ADGB: variants seen among roughly 807,000 people sequenced by gnomAD.
ADGB encodes the protein calpain-7-like protein.
In ADGB, 172 loss-of-function variants were observed where a neutral mutation model predicts 210.5. The ratio of observed to expected loss-of-function variants is 0.82; its 90% CI spans 0.72 to 0.93. The LOEUF (loss-of-function observed/expected upper bound fraction) is 0.93. ADGB is among the 40% of genes least tolerant of loss of function. ADGB has a pLI of 0.00. For synonymous variants in ADGB, 658 were observed against 662.7 expected (o/e 0.99, Z 0.11); for missense variants, 2,025 against 1,964.8 (o/e 1.03, Z -0.58).
intron 1 of ADGB, among the ~76,000 whole-genome samples, chr6:146,602,543 A>T (rs1026782252): frequency 2.6e-5 from 4 of 152,242 alleles, no homozygotes; most frequent in Admixed American, 6.5e-5. Context: ...GCTGTAACAG[A>T]ATACCATAGA....
intron 22 of ADGB, among the ~76,000 whole-genome samples, chr6:146,735,395 AAG>A (rs143895337): frequency 2.0e-5 from 3 of 151,730 alleles, no homozygotes; most frequent in South Asian, 4.2e-4. Context: ...ACATTCATGA[AAG>A]AGAGAGAGAG....
intron 12 of ADGB, among the ~76,000 whole-genome samples, chr6:146,695,089 T>G (rs1367082020): frequency 6.6e-6 from 1 of 152,180 alleles, no homozygotes; most frequent in African/African-American, 2.4e-5. Flanking sequence ...ATTACTATAC[T>G]GTCTTCTAAC....
At chr6:146,624,521 A>G (rs540856369) in intron 1 of ADGB, among the ~76,000 whole-genome samples, 1 of 151,936 alleles carries the variant, frequency 6.6e-6, no homozygotes, top group African/African-American at 2.4e-5. Context: ...GATCTGCTCT[A>G]TTATTTATAT....
intron 2 of ADGB, among the ~76,000 whole-genome samples, chr6:146,639,473 G>A (rs1272630677): frequency 2.0e-5 from 3 of 151,972 alleles, no homozygotes; most frequent in African/African-American, 7.2e-5. Flanking sequence ...ACATTACAAA[G>A]ATGCTTTCTC....
intron 1 of ADGB, among the ~76,000 whole-genome samples, chr6:146,615,913 C>G (rs1039729061): frequency 6.6e-6 from 1 of 152,022 alleles, no homozygotes; most frequent in Admixed American, 6.5e-5. Flanking sequence ...ACTTCATTTC[C>G]TTTGGATATA....
intron 4 of ADGB, 25 bp downstream of exon 4, chr6:146,654,231 G>T: frequency 6.7e-7 from 1 of 1,490,966 alleles, no homozygotes. Flanking sequence ...ATGAACTAAA[G>T]TCTCACCATG....
chr6:146,812,533 A>G (rs1778317910), intron 35 of ADGB, among the ~76,000 whole-genome samples: 1 of 152,360 alleles, frequency 6.6e-6, no homozygotes, highest in Non-Finnish European at 1.5e-5. Flanking sequence ...ATCAGTGCCC[A>G]TGAAATGCAC....
intron 5 of ADGB, among the ~76,000 whole-genome samples, chr6:146,657,282 A>G (rs188407242): frequency 2.3e-3 from 352 of 150,670 alleles, no homozygotes; most frequent in Middle Eastern, 6.8e-3. Flanking sequence ...TTAAGGTCTC[A>G]CCATTGCACT....
At chr6:146,641,024 T>C (rs1775505049) in intron 2 of ADGB, among the ~76,000 whole-genome samples, 2 of 151,840 alleles carry the variant, frequency 1.3e-5, no homozygotes, top group African/African-American at 4.8e-5. Context: ...CACAGTCTTG[T>C]CCCAAAAGCT....
chr6:146,797,772 G>A (rs1778067895), intron 33 of ADGB, among the ~76,000 whole-genome samples: 1 of 152,074 alleles, frequency 6.6e-6, no homozygotes. Context: ...GGAAGGATAA[G>A]AGGAAGGTGA....
intron 33 of ADGB, among the ~76,000 whole-genome samples, chr6:146,798,870 A>G (rs1778082603): frequency 6.6e-6 from 1 of 152,054 alleles, no homozygotes; most frequent in African/African-American, 2.4e-5. Context: ...TGAAAACTAC[A>G]AAACATCACC....
At chr6:146,739,875 C>T (rs1777137800) in intron 23 of ADGB, among the ~76,000 whole-genome samples, 1 of 152,176 alleles carries the variant, frequency 6.6e-6, no homozygotes, top group South Asian at 2.1e-4. Flanking sequence ...TATGTCACAG[C>T]CTTCCAGGGG....
In ADGB at chr6:146,733,232, C is replaced by A; in HGVS notation, c.2633C>A (p.Ser878Tyr). The A allele has an allele frequency of 4.6e-6, 7 of 1,535,166 alleles. No homozygotes were observed. Among genetic ancestry groups the A allele is most frequent in the Non-Finnish European group, 5.3e-6 (6 of 1,138,880 alleles). The change falls in exon 21 of 36, where the codon TCC (serine) becomes TAC (tyrosine). Residue 878 changes from serine (S) to tyrosine (Y), a missense_variant. By Grantham distance (144) the Ser-to-Tyr change is moderately radical. Transcript: ENST00000397944. Reference protein sequence around the residue: ...AMVLDLELLNSSLEEVSLVEW... With the variant: ...AMVLDLELLNYSLEEVSLVEW... ...GTTTTGGACTTGGAGTTACTCAATTCCTCCTTGGAAGAGGTTTCTTTAGGT... is the reference window on the plus strand; with the variant it reads ...GTTTTGGACTTGGAGTTACTCAATTACTCCTTGGAAGAGGTTTCTTTAGGT...
intron 35 of ADGB, chr6:146,803,843 C>G (rs1008874890): frequency 1.5e-5 from 6 of 395,300 alleles, no homozygotes; most frequent in Non-Finnish European, 2.7e-5. Context: ...TCAAACGCGG[C>G]CGCGCGCGCG....
intron 16 of ADGB, among the ~76,000 whole-genome samples, chr6:146,717,870 A>G (rs539225926): frequency 6.6e-6 from 1 of 152,330 alleles, no homozygotes; most frequent in African/African-American, 2.4e-5. Context: ...ATTATGAAAA[A>G]ATGAAGGACA....
At chr6:146,747,762 T>G (rs902788790) in intron 26 of ADGB, among the ~76,000 whole-genome samples, 1 of 129,908 alleles carries the variant, frequency 7.7e-6, no homozygotes, top group African/African-American at 2.8e-5. Context: ...TGCATGTGTA[T>G]ATACATATAT....
rs1291001858 is a variant in ADGB, at chr6:146,807,610, C to T, written c.4818+5599C>T. ...TAACCAGGGGATGTCCAATACCACC[C>T]TGCTTCTGGAGAGAAAAAATTTATT... is the stretch of plus-strand genomic sequence containing the variant. On this transcript the variant is annotated intron_variant, in intron 35 of 35. Transcript: ENST00000397944. 5.3e-6 allele frequency: 8 copies of T among 1,518,712 alleles called. No homozygotes were observed. In the African/African-American group the frequency reaches 8.5e-5, roughly 16 times the overall value. 94.1% of individuals were successfully genotyped at this position (1,518,712 alleles called of 1,614,324 possible). A position where few individuals can be genotyped will look rare whatever the true frequency, so the allele number is the denominator to read the frequency against.
intron 33 of ADGB, among the ~76,000 whole-genome samples, chr6:146,799,119 G>A (rs1335859298): frequency 6.7e-6 from 1 of 148,290 alleles, no homozygotes; most frequent in East Asian, 2.0e-4. Context: ...AGATCCAAGT[G>A]GGAGGGGAAC....
chr6:146,625,194 A>T (rs1429882749), intron 1 of ADGB, among the ~76,000 whole-genome samples: 1 of 152,050 alleles, frequency 6.6e-6, no homozygotes, highest in Admixed American at 6.6e-5. Flanking sequence ...GTTTATAAAT[A>T]TGCCTGTTGA....
Sources: allele counts gnomAD v4.1 joint callset (sites outside exome capture counted in the v4.1 genomes callset), GRCh38; gene constraint gnomAD v4.1.1; transcripts MANE v1.5; gene names NCBI Gene and HGNC (gene_info 2026-07-23, HGNC 2026-07-21).